The following CNTN3 variants were observed in gnomAD, a reference collection of about 807,000 sequenced individuals.
The protein encoded by CNTN3 is contactin-3.
Under a neutral mutation model 119.1 loss-of-function variants are expected in CNTN3, and 60 were observed. The ratio of observed to expected loss-of-function variants is 0.50; its 90% CI spans 0.41 to 0.62. The LOEUF (loss-of-function observed/expected upper bound fraction) is 0.62. CNTN3 is among the 20% of genes least tolerant of loss of function. The probability of loss-of-function intolerance (pLI) is 0.00; values close to 1 mark genes in which losing one functional copy is unlikely to be tolerated. For synonymous variants in CNTN3, 450 were observed against 438.7 expected (o/e 1.03, Z -0.32); for missense variants, 1,101 against 1,242.4 (o/e 0.89, Z 1.71).
At chr3:74,461,364 CA>C (rs1702364105) in intron 4 of CNTN3, among the ~76,000 whole-genome samples, 2 of 151,968 alleles carry the variant, frequency 1.3e-5, no homozygotes, top group African/African-American at 4.8e-5. Context: ...AAATTAATTG[CA>C]ATATAAAATA....
intron 4 of CNTN3, among the ~76,000 whole-genome samples, chr3:74,459,190 C>T (rs1185077381): frequency 6.6e-6 from 1 of 151,952 alleles, no homozygotes; most frequent in East Asian, 1.9e-4. Context: ...AGCTTTCTCT[C>T]TTTTCCCCAT....
At chr3:74,529,181 G>A (rs1703659883) in intron 1 of CNTN3, among the ~76,000 whole-genome samples, 1 of 151,862 alleles carries the variant, frequency 6.6e-6, no homozygotes, top group Non-Finnish European at 1.5e-5. Flanking sequence ...TCAATATACA[G>A]TCTCTCAAAA....
intron 7 of CNTN3, among the ~76,000 whole-genome samples, 186 bp downstream of exon 7, chr3:74,369,703 C>T (rs1365560589): frequency 6.6e-6 from 1 of 150,908 alleles, no homozygotes; most frequent in African/African-American, 2.4e-5. Flanking sequence ...TTCTTCAAAT[C>T]GACTTTGAAT....
chr3:74,387,301 AT>A (rs1250445315), intron 5 of CNTN3, among the ~76,000 whole-genome samples: 1 of 152,240 alleles, frequency 6.6e-6, no homozygotes, highest in East Asian at 1.9e-4. Flanking sequence ...TAAATTGTAT[AT>A]ATTTATAGAC....
Position 74,554,839 on chromosome 3 carries a change from A to T in CNTN3, c.-80-33647T>A, listed in dbSNP as rs141205401. Among the ~76,000 whole-genome samples, 343 of 152,364 alleles carry T rather than the reference A, an allele frequency of 2.3e-3. 2 individuals are homozygous for T. Among genetic ancestry groups the T allele is most frequent in the African/African-American group, 8.1e-3 (337 of 41,584 alleles). Reference sequence around the variant, plus strand: ...TGAGACGATGGGGTTTTCTAAACATACAATCGTGTCATTTGCAAACAGAGA... The same window carrying T: ...TGAGACGATGGGGTTTTCTAAACATTCAATCGTGTCATTTGCAAACAGAGA... On this transcript the variant is annotated intron_variant, in intron 1 of 22. Transcript: ENST00000263665.
At chr3:74,341,120 T>C (rs868347693) in intron 11 of CNTN3, among the ~76,000 whole-genome samples, 13 of 152,206 alleles carry the variant, frequency 8.5e-5, no homozygotes, top group African/African-American at 3.1e-4. Flanking sequence ...AAACTCTATG[T>C]ATATTGTAAA....
chr3:74,275,048 A>G (rs187727118), intron 20 of CNTN3, among the ~76,000 whole-genome samples: 125 of 152,310 alleles, frequency 8.2e-4, no homozygotes, highest in Middle Eastern at 6.8e-3. Context: ...CAAGTAGAAG[A>G]AAGAAATTCA....
intron 1 of CNTN3, among the ~76,000 whole-genome samples, chr3:74,569,917 T>C (rs1704282879): frequency 6.6e-6 from 1 of 152,138 alleles, no homozygotes; most frequent in African/African-American, 2.4e-5. Context: ...GTGGTTGGGT[T>C]GGACAAAGGC....
chr3:74,290,600 A>C (rs1228689748), intron 19 of CNTN3, among the ~76,000 whole-genome samples: 1 of 152,218 alleles, frequency 6.6e-6, no homozygotes, highest in African/African-American at 2.4e-5. Context: ...AAGAATTATG[A>C]TCCTGTCATG....
intron 1 of CNTN3, among the ~76,000 whole-genome samples, chr3:74,588,732 A>C (rs1704644188): frequency 6.6e-6 from 1 of 152,196 alleles, no homozygotes; most frequent in Non-Finnish European, 1.5e-5. Context: ...TAACCAAAAC[A>C]GCATGGTACT....
chr3:74,322,426 T>C (rs1012723043), intron 13 of CNTN3, among the ~76,000 whole-genome samples: 3 of 152,070 alleles, frequency 2.0e-5, no homozygotes, highest in Non-Finnish European at 4.4e-5. Context: ...CACTAGGGAA[T>C]TGCAAATTAA....
At chr3:74,318,594 T>TCCACTCCAGACCCTGTTTGCC (rs1702897579) in intron 13 of CNTN3, among the ~76,000 whole-genome samples, 4 of 152,196 alleles carry the variant, frequency 2.6e-5, no homozygotes, top group African/African-American at 9.6e-5. Context: ...TGGAGTTTGC[T>TCCACTCCAGACCCTGTTTGCC]AGAGGTCCAC....
chr3:74,511,933 G>A (rs1051171136), intron 2 of CNTN3, among the ~76,000 whole-genome samples: 2 of 151,982 alleles, frequency 1.3e-5, no homozygotes, highest in Non-Finnish European at 2.9e-5. Flanking sequence ...CTACTAGGAG[G>A]AACAGTGACT....
intron 2 of CNTN3, among the ~76,000 whole-genome samples, chr3:74,504,030 C>T (rs1193871895): frequency 1.3e-5 from 2 of 152,066 alleles, no homozygotes; most frequent in Admixed American, 6.6e-5. Context: ...AATGGTCATA[C>T]TCTATACAAT....
At chr3:74,273,531 C>T (rs1239693014) in intron 20 of CNTN3, among the ~76,000 whole-genome samples, 1 of 152,204 alleles carries the variant, frequency 6.6e-6, no homozygotes, top group Non-Finnish European at 1.5e-5. Context: ...CCCCCAAACA[C>T]ATACCCCCAC....
intron 1 of CNTN3, among the ~76,000 whole-genome samples, chr3:74,560,072 A>AT (rs1704130189): frequency 6.6e-6 from 1 of 152,218 alleles, no homozygotes; most frequent in South Asian, 2.1e-4. Context: ...GGATGTCAAT[A>AT]TACGGTATCA....
chr3:74,355,067 T>C (rs148163817), intron 11 of CNTN3, among the ~76,000 whole-genome samples: 61 of 152,242 alleles, frequency 4.0e-4, no homozygotes, highest in African/African-American at 1.4e-3. Context: ...AACCTTTGTA[T>C]GCACGGATAT....
At chr3:74,280,222 C>T (rs1701975215) in intron 20 of CNTN3, among the ~76,000 whole-genome samples, 1 of 152,104 alleles carries the variant, frequency 6.6e-6, no homozygotes, top group Non-Finnish European at 1.5e-5. Context: ...TCCTTACATT[C>T]AGGTAACTGA....
chr3:74,546,990 T>C (rs1023752876), intron 1 of CNTN3, among the ~76,000 whole-genome samples: 1 of 152,198 alleles, frequency 6.6e-6, no homozygotes, highest in Admixed American at 6.5e-5. Context: ...ATGACTTATG[T>C]TCTCCACTTC....
Sources: allele counts gnomAD v4.1 joint callset (sites outside exome capture counted in the v4.1 genomes callset), GRCh38; gene constraint gnomAD v4.1.1; transcripts MANE v1.5; gene names NCBI Gene and HGNC (gene_info 2026-07-23, HGNC 2026-07-21).